HDAC9: variants seen among roughly 807,000 people sequenced by gnomAD.
HDAC9 encodes MEF-2 interacting transcription repressor (MITR) protein.
In HDAC9, 41 loss-of-function variants were observed where a neutral mutation model predicts 139.4. The observed-to-expected ratio is 0.29, with a 90% CI of 0.23 to 0.38. The LOEUF (loss-of-function observed/expected upper bound fraction) is 0.38. Ranked by LOEUF, HDAC9 falls within the 10% of genes least tolerant of loss-of-function variation. HDAC9 has a pLI of 1.00. For synonymous variants in HDAC9, 517 were observed against 476.2 expected, an observed-to-expected ratio of 1.09 and a Z score of -1.12; for missense variants, 1,147 against 1,297.0, an observed-to-expected ratio of 0.88 and a Z score of 1.78.
chr7:18,114,031 C>T (rs147300617), intron 1 of HDAC9, among the ~76,000 whole-genome samples: 1 of 152,180 alleles, frequency 6.6e-6, no homozygotes, highest in Non-Finnish European at 1.5e-5. Context: ...GCACCTCAGA[C>T]ATCTGGCTGA....
chr7:18,191,549 A>T (rs183048722), intron 2 of HDAC9, among the ~76,000 whole-genome samples: 2 of 152,346 alleles, frequency 1.3e-5, no homozygotes, highest in African/African-American at 2.4e-5. Flanking sequence ...AACGATAAAC[A>T]CACATGGCAC....
At chr7:18,251,968 T>A (rs1293360624) in intron 2 of HDAC9, among the ~76,000 whole-genome samples, 1 of 152,188 alleles carries the variant, frequency 6.6e-6, no homozygotes. Flanking sequence ...AATGATGGCT[T>A]GCATCTTCTC....
chr7:18,239,139 T>TC (rs201773262), intron 2 of HDAC9, among the ~76,000 whole-genome samples: 60 of 150,706 alleles, frequency 4.0e-4, no homozygotes, highest in Admixed American at 2.8e-3. Flanking sequence ...GTTTTTTTTT[T>TC]CCCCCTAAAA....
At chr7:18,431,537 A>C (rs953187317) in intron 1 of HDAC9, among the ~76,000 whole-genome samples, 2 of 152,198 alleles carry the variant, frequency 1.3e-5, no homozygotes, top group Non-Finnish European at 2.9e-5. Flanking sequence ...TTTCCCCAAC[A>C]ACCCTGAGGA....
intron 1 of HDAC9, among the ~76,000 whole-genome samples, chr7:18,120,345 T>A (rs565990151): frequency 6.6e-6 from 1 of 152,204 alleles, no homozygotes; most frequent in Non-Finnish European, 1.5e-5. Flanking sequence ...TAAATATGCA[T>A]GCTGATCATA....
intron 11 of HDAC9, among the ~76,000 whole-genome samples, chr7:18,664,723 C>A (rs1353304061): frequency 6.6e-6 from 1 of 152,104 alleles, no homozygotes; most frequent in Non-Finnish European, 1.5e-5. Context: ...AGCTTAACTC[C>A]CTTAACAATC....
At chr7:18,132,662 A>G (rs1242377021) in intron 1 of HDAC9, among the ~76,000 whole-genome samples, 1 of 152,162 alleles carries the variant, frequency 6.6e-6, no homozygotes, top group Non-Finnish European at 1.5e-5. Context: ...TTCAAAAAAG[A>G]CAGCATGTTC....
At chr7:18,723,653 G>C (rs1284052410) in intron 12 of HDAC9, among the ~76,000 whole-genome samples, 1 of 152,024 alleles carries the variant, frequency 6.6e-6, no homozygotes, top group Non-Finnish European at 1.5e-5. Context: ...TTTTGAGTTA[G>C]CAAACTGTTT....
chr7:18,405,396 A>G (rs1343479050), intron 1 of HDAC9, among the ~76,000 whole-genome samples: 1 of 152,120 alleles, frequency 6.6e-6, no homozygotes, highest in Non-Finnish European at 1.5e-5. Context: ...GTGTCTCTCC[A>G]CACATTTTCT....
chr7:18,091,617 G>T (rs1782153473), intron 1 of HDAC9, among the ~76,000 whole-genome samples: 1 of 152,156 alleles, frequency 6.6e-6, no homozygotes, highest in African/African-American at 2.4e-5. Context: ...CACAAATTTA[G>T]CAGCTTAACA....
At chr7:18,700,434 G>T (rs1340865473) in intron 12 of HDAC9, among the ~76,000 whole-genome samples, 3 of 152,180 alleles carry the variant, frequency 2.0e-5, no homozygotes, top group East Asian at 3.9e-4. Flanking sequence ...AACTGAGGTA[G>T]TTGGTCTGTT....
chr7:18,343,598 A>G (rs967319667), intron 1 of HDAC9, among the ~76,000 whole-genome samples: 1 of 151,886 alleles, frequency 6.6e-6, no homozygotes, highest in South Asian at 2.1e-4. Flanking sequence ...GCATATTTTT[A>G]TATTAAAGAA....
intron 22 of HDAC9, among the ~76,000 whole-genome samples, chr7:18,876,596 A>G (rs1198066628): frequency 1.3e-5 from 2 of 152,242 alleles, no homozygotes; most frequent in Non-Finnish European, 2.9e-5. Flanking sequence ...AACTGGGGTT[A>G]AAATCAAAGT....
chr7:18,343,551 G>A (rs1782174724), intron 1 of HDAC9, among the ~76,000 whole-genome samples: 1 of 151,686 alleles, frequency 6.6e-6, no homozygotes, highest in Non-Finnish European at 1.5e-5. Context: ...GGAAGAAGGA[G>A]CGATTTTTTA....
intron 22 of HDAC9, among the ~76,000 whole-genome samples, chr7:18,905,146 C>T (rs1369166573): frequency 6.6e-6 from 1 of 152,262 alleles, no homozygotes; most frequent in East Asian, 1.9e-4. Context: ...CCGCCTTGGC[C>T]TCCCAAAGTG....
intron 11 of HDAC9, among the ~76,000 whole-genome samples, chr7:18,653,714 T>C (rs776889777): frequency 1.3e-5 from 2 of 152,170 alleles, no homozygotes; most frequent in Non-Finnish European, 2.9e-5. Flanking sequence ...ATGTTTATGT[T>C]CTGACAAGCA....
At chr7:18,138,732 G>C (rs377057493) in intron 1 of HDAC9, among the ~76,000 whole-genome samples, 1 of 152,106 alleles carries the variant, frequency 6.6e-6, no homozygotes, top group East Asian at 1.9e-4. Flanking sequence ...TAGGTTGGCA[G>C]GGAAATGCCC....
intron 22 of HDAC9, among the ~76,000 whole-genome samples, chr7:18,924,800 A>G (rs564442326): frequency 1.3e-5 from 2 of 152,244 alleles, no homozygotes; most frequent in South Asian, 4.1e-4. Flanking sequence ...TGAAAATATC[A>G]GTTTATAAAA....
At chr7:18,330,005 G>GTGTGTGTA (rs1413316790) in intron 1 of HDAC9, among the ~76,000 whole-genome samples, 4 of 9,374 alleles carry the variant, frequency 4.3e-4, no homozygotes. Context: ...GTGTGTGTGT[G>GTGTGTGTA]TTCCGTGTGT....
Sources: allele counts gnomAD v4.1 joint callset (sites outside exome capture counted in the v4.1 genomes callset), GRCh38; gene constraint gnomAD v4.1.1; transcripts MANE v1.5; gene names NCBI Gene and HGNC (gene_info 2026-07-23, HGNC 2026-07-21).